The following TCF7L2 variants were observed in gnomAD, a reference collection of about 807,000 sequenced individuals.
TCF7L2 encodes transcription factor 7-like 2.
Under a neutral mutation model 77.9 loss-of-function variants are expected in TCF7L2, and 23 were observed. The ratio of observed to expected loss-of-function variants is 0.30; its 90% CI spans 0.21 to 0.42. TCF7L2 has a LOEUF of 0.42. TCF7L2 is among the 10% of genes least tolerant of loss of function. The pLI is 1.00. For synonymous variants in TCF7L2, 413 were observed against 340.2 expected, an observed-to-expected ratio of 1.21 and a Z score of -2.36; for missense variants, 654 against 793.1, an observed-to-expected ratio of 0.82 and a Z score of 2.11.
Position 113,152,232 on chromosome 10 carries a change from G to A in TCF7L2, c.1162-101G>A, listed in dbSNP as rs2070905611. 1.1e-5 allele frequency: 12 copies of A among 1,078,360 alleles called. No homozygotes were observed. In the East Asian group the frequency reaches 2.8e-4, roughly 25 times the overall value. The allele number at this position is 1,078,360 out of a possible 1,614,324, so 66.8% of individuals were successfully genotyped here. ...TTTCTGGACGGACTCACCCAAAAAG[G>A]CAGCATTATTTATCCCCTGACCTTG... On this transcript the variant is annotated intron_variant, in intron 10 of 13. Transcript: ENST00000627217.
At chr10:113,060,814 G>A (rs1385471354) in intron 5 of TCF7L2, among the ~76,000 whole-genome samples, 3 of 151,984 alleles carry the variant, frequency 2.0e-5, no homozygotes, top group Non-Finnish European at 4.4e-5. Flanking sequence ...AGAAGACGCC[G>A]CCCAGAATGG....
At chr10:112,984,594 C>G (rs1225460538) in intron 4 of TCF7L2, among the ~76,000 whole-genome samples, 4 of 152,004 alleles carry the variant, frequency 2.6e-5, no homozygotes, top group South Asian at 2.1e-4. Context: ...AACAATAAAA[C>G]TATTTCCCCA....
intron 4 of TCF7L2, among the ~76,000 whole-genome samples, chr10:112,971,926 T>C: frequency 8.0e-6 from 1 of 125,478 alleles, no homozygotes; most frequent in East Asian, 3.7e-4. Flanking sequence ...ATTTTTTTCT[T>C]TCCTTTTTTT....
chr10:113,095,649 C>G (rs1277922634), intron 5 of TCF7L2, among the ~76,000 whole-genome samples: 1 of 152,224 alleles, frequency 6.6e-6, no homozygotes, highest in Non-Finnish European at 1.5e-5. Flanking sequence ...GGGATCATTT[C>G]TGGCCCCATT....
chr10:113,130,262 G>A (rs908773335), intron 5 of TCF7L2, among the ~76,000 whole-genome samples: 2 of 152,164 alleles, frequency 1.3e-5, no homozygotes, highest in Non-Finnish European at 2.9e-5. Context: ...TCTATGGTAA[G>A]GCAGACCCTG....
intron 4 of TCF7L2, among the ~76,000 whole-genome samples, chr10:112,974,844 A>G (rs1055507819): frequency 1.3e-5 from 2 of 152,224 alleles, no homozygotes; most frequent in African/African-American, 4.8e-5. Context: ...AGCTGAGCAC[A>G]GAAATTTCTA....
intron 13 of TCF7L2, among the ~76,000 whole-genome samples, chr10:113,164,134 A>G (rs1246362265): frequency 6.6e-6 from 1 of 152,180 alleles, no homozygotes; most frequent in Non-Finnish European, 1.5e-5. Flanking sequence ...TTTTTATAGC[A>G]TTAGTGGGGT....
chr10:113,014,659 C>A (rs1433381816), intron 4 of TCF7L2, among the ~76,000 whole-genome samples: 1 of 152,084 alleles, frequency 6.6e-6, no homozygotes, highest in Admixed American at 6.6e-5. Flanking sequence ...GTGGTGGGCG[C>A]CTGTAATGCC....
chr10:113,039,931 C>A, intron 4 of TCF7L2, 94 bp from the exon 5 acceptor site: 1 of 1,070,588 alleles, frequency 9.3e-7, no homozygotes, highest in Non-Finnish European at 1.4e-6. Context: ...TTTTCAGTTT[C>A]TGACCCATGT....
rs2134178840 is a variant in TCF7L2, at chr10:112,950,912, A to G, written c.156A>G (p.Ser52=). Reference sequence around the variant, plus strand: ...TCAAATCGTCTCTAGTCAATGAATCAGAAACGAATCAAAACAGCTCCTCCG... The same window carrying G: ...TCAAATCGTCTCTAGTCAATGAATCGGAAACGAATCAAAACAGCTCCTCCG... The change falls in exon 1 of 14, where the codon TCA becomes TCG. Residue 52 remains serine, a synonymous_variant. Coordinates refer to ENST00000627217, the MANE Select transcript of TCF7L2 (RefSeq NM_001146274.2). The G allele has an allele frequency of 6.2e-7, 1 of 1,612,538 alleles. No individual in the cohort carries two copies. Among genetic ancestry groups the G allele is most frequent in the African/African-American group, 1.3e-5 (1 of 74,952 alleles).
chr10:113,057,060 C>G (rs2055514778), intron 5 of TCF7L2, among the ~76,000 whole-genome samples: 1 of 152,210 alleles, frequency 6.6e-6, no homozygotes, highest in Admixed American at 6.5e-5. Context: ...GTTCTTATCC[C>G]TTTATGTCAC....
At position 113,024,780 on chromosome 10, in the gene TCF7L2, C is replaced by T. The variant is rs2048856456; in HGVS notation, c.451-15245C>T. 2.6e-5 allele frequency among the ~76,000 whole-genome samples: 4 copies of T among 151,718 alleles called. No individual in the cohort carries two copies. In the South Asian group the frequency reaches 8.4e-4, roughly 32 times the overall value. Reference sequence around the variant, plus strand: ...GATTACAGGGGCTTCCCACCACGCACAGCTAATTTTTGTATTTTTAGTAGA... The same window carrying T: ...GATTACAGGGGCTTCCCACCACGCATAGCTAATTTTTGTATTTTTAGTAGA... On this transcript the variant is annotated intron_variant, in intron 4 of 13. Transcript: ENST00000627217.
At chr10:113,037,476 C>T (rs1214856075) in intron 4 of TCF7L2, among the ~76,000 whole-genome samples, 1 of 152,094 alleles carries the variant, frequency 6.6e-6, no homozygotes, top group East Asian at 1.9e-4. Context: ...TCCTGGGCTG[C>T]CCTAACATAA....
intron 4 of TCF7L2, among the ~76,000 whole-genome samples, chr10:113,036,236 A>C (rs967402861): frequency 6.6e-5 from 10 of 151,924 alleles, no homozygotes; most frequent in Non-Finnish European, 1.5e-4. Context: ...GTAAGGGGGC[A>C]GGTTCTTGGA....
At chr10:113,141,786 A>G (rs112749729) in intron 6 of TCF7L2, among the ~76,000 whole-genome samples, 12,410 of 152,232 alleles carry the variant, frequency 0.082, 1,134 homozygotes, top group African/African-American at 0.23. Context: ...ACTACTTGAC[A>G]ATGACTTGTT....
At chr10:113,034,270 T>C (rs2050748263) in intron 4 of TCF7L2, among the ~76,000 whole-genome samples, 1 of 152,242 alleles carries the variant, frequency 6.6e-6, no homozygotes, top group Non-Finnish European at 1.5e-5. Context: ...TCCCTTTCTA[T>C]GGTGAGTGGC....
intron 5 of TCF7L2, among the ~76,000 whole-genome samples, chr10:113,139,370 G>A (rs1268708442): frequency 1.3e-5 from 2 of 152,098 alleles, no homozygotes. Flanking sequence ...TCCTCTTAAG[G>A]AATCCTTAGT....
chr10:112,955,226 C>G (rs2033218360), intron 3 of TCF7L2, among the ~76,000 whole-genome samples: 1 of 152,106 alleles, frequency 6.6e-6, no homozygotes, highest in African/African-American at 2.4e-5. Context: ...CAATAAAATG[C>G]TTATCGCCCT....
intron 7 of TCF7L2, 142 bp from the exon 8 acceptor site, chr10:113,145,869 C>G: frequency 4.4e-6 from 3 of 688,802 alleles, no homozygotes; most frequent in Non-Finnish European, 7.6e-6. Flanking sequence ...TTTGATCCTT[C>G]CTGTACAATC....
Sources: gnomAD v4.1 joint callset for allele counts (sites outside exome capture counted in the v4.1 genomes callset) on GRCh38, gnomAD v4.1.1 for gene constraint, MANE v1.5 for transcripts, NCBI Gene and HGNC (gene_info 2026-07-23, HGNC 2026-07-21) for gene names.